The following ZNF83 variants were observed in gnomAD, a reference collection of about 807,000 sequenced individuals.
The protein encoded by ZNF83 is zinc finger protein 83, also known as zinc finger protein 816B.
For synonymous variants in ZNF83, 209 were observed against 213.0 expected, an observed-to-expected ratio of 0.98 and a Z score of 0.17; for missense variants, 552 against 629.9, an observed-to-expected ratio of 0.88 and a Z score of 1.32.
At chr19:52,639,413 C>CTTTTTTTTTCTTTTTTT (rs1206783591), upstream of ZNF83, among the ~76,000 whole-genome samples, 30 of 53,816 alleles carry the variant, frequency 5.6e-4, no homozygotes, top group African/African-American at 8.2e-4. Context: ...TTAGTTTTTT[C>CTTTTTTTTTCTTTTTTT]TATTTTTTTT....
At chr19:52,674,374 G>A (rs2061770439) in intron 1 of ZNF83, 1 of 152,190 alleles carries the variant, frequency 6.6e-6, no homozygotes, top group Admixed American at 6.5e-5. Flanking sequence ...CTCACATGAT[G>A]CTAGAACGTT....
upstream of ZNF83, among the ~76,000 whole-genome samples, chr19:52,642,084 C>G (rs2147225723): frequency 6.6e-6 from 1 of 152,080 alleles, no homozygotes; most frequent in South Asian, 2.1e-4. Flanking sequence ...TGAATTTTTA[C>G]ATAAATAGGG....
chr19:52,680,892 G>A (rs374820226), intron 1 of ZNF83, among the ~76,000 whole-genome samples: 3 of 151,652 alleles, frequency 2.0e-5, no homozygotes, highest in Non-Finnish European at 2.9e-5. Flanking sequence ...GATTACAGGC[G>A]TGAGCCACCG....
intron 2 of ZNF83, among the ~76,000 whole-genome samples, chr19:52,623,943 A>G (rs1261890761): frequency 6.6e-6 from 1 of 152,044 alleles, no homozygotes; most frequent in Admixed American, 6.5e-5. Flanking sequence ...TGTTCTCAAT[A>G]CTGCCCTCCA....
chr19:52,669,057 T>A (rs2061689986), intron 1 of ZNF83, among the ~76,000 whole-genome samples: 2 of 152,324 alleles, frequency 1.3e-5, no homozygotes, highest in African/African-American at 4.8e-5. Context: ...TTTCAAAAGT[T>A]TACCAATCAG....
upstream of ZNF83, among the ~76,000 whole-genome samples, chr19:52,641,097 A>G (rs555919610): frequency 6.7e-6 from 1 of 149,182 alleles, no homozygotes; most frequent in Non-Finnish European, 1.5e-5. Context: ...AGATGACGAT[A>G]ACCCTCTGGT....
intron 2 of ZNF83, among the ~76,000 whole-genome samples, chr19:52,619,442 A>G (rs1165762729): frequency 6.6e-6 from 1 of 152,140 alleles, no homozygotes; most frequent in Admixed American, 6.5e-5. Flanking sequence ...CCTGGACAAT[A>G]TGGTGAAACT....
At chr19:52,670,735 A>C (rs1260581455) in intron 1 of ZNF83, among the ~76,000 whole-genome samples, 2 of 152,220 alleles carry the variant, frequency 1.3e-5, no homozygotes, top group Non-Finnish European at 2.9e-5. Context: ...GGGAGGCATT[A>C]GACATCAATC....
chr19:52,677,676 G>C (rs905328252), intron 1 of ZNF83, among the ~76,000 whole-genome samples: 3 of 142,932 alleles, frequency 2.1e-5, no homozygotes, highest in African/African-American at 8.1e-5. Flanking sequence ...GAAGAGTACA[G>C]CAATGGGGGA....
At chr19:52,690,401 G>A (rs2062134857) in intron 1 of ZNF83, 1 of 158,600 alleles carries the variant, frequency 6.3e-6, no homozygotes, top group African/African-American at 2.4e-5. Flanking sequence ...AAACGCTGAG[G>A]ACCTGGGAAA....
chr19:52,663,065 A>G (rs6509663), intron 1 of ZNF83, among the ~76,000 whole-genome samples: 42,297 of 151,856 alleles, frequency 0.28, 6,103 homozygotes, highest in Middle Eastern at 0.36. Context: ...TGGGAGGCTG[A>G]CCAGGGAGGA....
intron 3 of ZNF83, among the ~76,000 whole-genome samples, chr19:52,644,434 G>C (rs886791244): frequency 6.6e-6 from 1 of 152,146 alleles, no homozygotes; most frequent in African/African-American, 2.4e-5. Flanking sequence ...TGAGTGAAAA[G>C]ATGTGTCTGA....
At chr19:52,629,171 G>T (rs763161627) in intron 2 of ZNF83, among the ~76,000 whole-genome samples, 1 of 152,096 alleles carries the variant, frequency 6.6e-6, no homozygotes, top group Non-Finnish European at 1.5e-5. Flanking sequence ...AAACTCGACA[G>T]TAGTTCCAAA....
At chr19:52,676,486 C>T (rs554116970) in intron 1 of ZNF83, among the ~76,000 whole-genome samples, 9 of 151,868 alleles carry the variant, frequency 5.9e-5, no homozygotes, top group Admixed American at 1.3e-4. Context: ...CTAGCCTCCC[C>T]GTCCGGGAGG....
Position 52,635,050 on chromosome 19 carries a change from G to A in ZNF83, c.-234+16C>T, listed in dbSNP as rs529390971. The A allele has an allele frequency of 8.1e-6, 6 of 736,544 alleles. No individual in the cohort carries two copies. The highest frequency in any genetic ancestry group is 2.9e-5 in the South Asian group (2 of 68,082). The allele number at this position is 736,544 out of a possible 1,614,324, so 45.6% of individuals were successfully genotyped here. A position where few individuals can be genotyped will look rare whatever the true frequency, so the allele number is the denominator to read the frequency against. ...AAGGAAAGAGACAGAACAATCCACC[G>A]AGAATATCATCTCACCTGAGGAAGA... On this transcript the variant is annotated intron_variant, in intron 2 of 2. Transcript: ENST00000301096.
intron 2 of ZNF83, among the ~76,000 whole-genome samples, chr19:52,623,286 T>TA (rs1181909912): frequency 6.6e-6 from 1 of 152,034 alleles, no homozygotes; most frequent in East Asian, 1.9e-4. Context: ...GGGTAACTCT[T>TA]ACAGTGGGGC....
chr19:52,659,611 C>G (rs2061551750), intron 2 of ZNF83, among the ~76,000 whole-genome samples: 1 of 60,470 alleles, frequency 1.7e-5, no homozygotes, highest in Admixed American at 1.4e-4. Context: ...AAGACTCCAA[C>G]TCAAAAAAAA....
chr19:52,654,431 C>T (rs1255663774), intron 3 of ZNF83: 12 of 879,642 alleles, frequency 1.4e-5, no homozygotes, highest in Non-Finnish European at 1.9e-5. Flanking sequence ...CAATAGGTTT[C>T]CAATTAAGTA....
At chr19:52,680,604 ATATTTTTT>A (rs1410733483) in intron 1 of ZNF83, among the ~76,000 whole-genome samples, 2 of 89,932 alleles carry the variant, frequency 2.2e-5, no homozygotes, top group African/African-American at 6.8e-5. Flanking sequence ...TTTCCACAAA[ATATTTTTT>A]TTTTTTTTTT....
Sources: allele counts gnomAD v4.1 joint callset (sites outside exome capture counted in the v4.1 genomes callset), GRCh38; gene constraint gnomAD v4.1.1; transcripts MANE v1.5; gene names NCBI Gene and HGNC (gene_info 2026-07-23, HGNC 2026-07-21).